ARHGAP32: variants seen among roughly 807,000 people sequenced by gnomAD.
The protein encoded by ARHGAP32 is Rho GTPase activating protein 32.
A neutral mutation model predicts 186.5 loss-of-function variants in ARHGAP32; 51 were observed. The observed-to-expected ratio is 0.27, with a 90% CI of 0.22 to 0.35. The LOEUF is 0.35. Ranked by LOEUF, ARHGAP32 falls within the 10% of genes least tolerant of loss-of-function variation. ARHGAP32 has a pLI of 1.00. For synonymous variants in ARHGAP32, 950 were observed against 964.3 expected (o/e 0.99, Z 0.27); for missense variants, 2,186 against 2,623.5 (o/e 0.83, Z 3.64).
chr11:129,126,865 C>G (rs1305401075), intron 2 of ARHGAP32, among the ~76,000 whole-genome samples: 1 of 152,100 alleles, frequency 6.6e-6, no homozygotes, highest in African/African-American at 2.4e-5. Context: ...GAAAGTGTGA[C>G]AATACTCTTT....
intron 1 of ARHGAP32, among the ~76,000 whole-genome samples, chr11:129,165,776 C>G (rs1465516731): frequency 6.6e-6 from 1 of 151,460 alleles, no homozygotes; most frequent in Non-Finnish European, 1.5e-5. Context: ...AATAGATAAT[C>G]TGAAAATCTT....
intron 2 of ARHGAP32, among the ~76,000 whole-genome samples, chr11:129,128,355 T>C (rs1942711147): frequency 6.6e-6 from 1 of 152,170 alleles, no homozygotes; most frequent in Non-Finnish European, 1.5e-5. Flanking sequence ...TGTGTACATA[T>C]TTTACTAGTA....
intron 5 of ARHGAP32, among the ~76,000 whole-genome samples, chr11:129,099,845 C>T (rs758283883): frequency 2.0e-5 from 3 of 151,892 alleles, no homozygotes; most frequent in Non-Finnish European, 2.9e-5. Flanking sequence ...AACAGATCTT[C>T]AGAGGGAAGG....
In ARHGAP32 at chr11:128,969,849, A is replaced by G; in HGVS notation, c.5364T>C (p.Asp1788=). The change falls in exon 23 of 23, where the codon GAT becomes GAC. Residue 1788 remains aspartate (D), a synonymous_variant. Coordinates refer to ENST00000682385, the MANE Select transcript of ARHGAP32 (RefSeq NM_001378024.1). This position sits in a 1 kb window ranked among gnomAD's most constrained non-coding sequence, Gnocchi z 4.8. ...KVKGPVMSQY[D]NMTPAVQDDL... Reference sequence around the variant, plus strand: ...CGTCCTGCACCGCCGGGGTCATGTTATCATATTGGGACATGACAGGCCCTT... The same window carrying G: ...CGTCCTGCACCGCCGGGGTCATGTTGTCATATTGGGACATGACAGGCCCTT... The G allele has an allele frequency of 6.2e-7, 1 of 1,614,152 alleles. No individual in the cohort carries two copies. The highest frequency in any genetic ancestry group is 8.5e-7 in the Non-Finnish European group (1 of 1,180,028).
At chr11:129,124,179 A>G (rs138616282) in intron 3 of ARHGAP32, among the ~76,000 whole-genome samples, 351 of 152,306 alleles carry the variant, frequency 2.3e-3, no homozygotes, top group African/African-American at 8.3e-3. Context: ...GTCTAAACAC[A>G]AAATTCATTT....
chr11:129,148,550 G>C (rs979616180), intron 2 of ARHGAP32, among the ~76,000 whole-genome samples: 2 of 152,198 alleles, frequency 1.3e-5, no homozygotes, highest in Non-Finnish European at 2.9e-5. Context: ...ATTAGGGAGG[G>C]ATCACAGGAC....
chr11:129,031,158 T>A (rs1939097278), intron 11 of ARHGAP32, among the ~76,000 whole-genome samples: 1 of 152,238 alleles, frequency 6.6e-6, no homozygotes. Flanking sequence ...TATCTTGGCA[T>A]GTAGATTTAT....
intron 1 of ARHGAP32, among the ~76,000 whole-genome samples, chr11:129,239,191 A>G (rs185392399): frequency 1.1e-4 from 17 of 152,312 alleles, no homozygotes; most frequent in African/African-American, 4.1e-4. Context: ...TGTACAGCTT[A>G]TTAAATAGTA....
intron 6 of ARHGAP32, among the ~76,000 whole-genome samples, chr11:129,084,177 G>A (rs1941308047): frequency 6.6e-6 from 1 of 152,004 alleles, no homozygotes; most frequent in African/African-American, 2.4e-5. Context: ...ACAGAAACCA[G>A]TAAGCCCAGA....
At chr11:129,063,178 T>G (rs1210615724) in intron 9 of ARHGAP32, among the ~76,000 whole-genome samples, 1 of 152,136 alleles carries the variant, frequency 6.6e-6, no homozygotes, top group Non-Finnish European at 1.5e-5. Context: ...TTACATATCA[T>G]GTATAAGCCA....
intron 5 of ARHGAP32, among the ~76,000 whole-genome samples, chr11:129,103,780 T>G (rs1941972126): frequency 6.6e-6 from 1 of 152,038 alleles, no homozygotes; most frequent in Admixed American, 6.6e-5. Context: ...ACTATTAATA[T>G]AATTCATGCC....
In ARHGAP32 at chr11:128,969,669, T is replaced by C. The variant is rs1306977876; in HGVS notation, c.5544A>G (p.Ala1848=). The C allele has an allele frequency of 6.2e-7, 1 of 1,614,122 alleles. No individual in the cohort carries two copies. The highest frequency in any genetic ancestry group is 1.1e-5 in the South Asian group (1 of 91,082). ...CGTGATGGTGGGCTCTGTCCATCTC[T>C]GCCTCGGGATGCCTCCTATAGAAGC... ...EDRFYRRHPE[A]EMDRAHHHGG... is the part of the protein sequence containing the mutation. The change falls in exon 23 of 23, where the codon GCA becomes GCG. Residue 1848 remains alanine (A), a synonymous_variant. Transcript: ENST00000682385. The surrounding 1 kb of genome is among the most constrained non-coding windows in gnomAD (Gnocchi z 4.8).
intron 1 of ARHGAP32, among the ~76,000 whole-genome samples, chr11:129,273,346 C>G (rs189225904): frequency 6.6e-6 from 1 of 152,246 alleles, no homozygotes; most frequent in African/African-American, 2.4e-5. Flanking sequence ...TTCCCTTATC[C>G]TACTGTGTCA....
chr11:129,209,282 A>G (rs2135589017), intron 1 of ARHGAP32, among the ~76,000 whole-genome samples: 1 of 152,258 alleles, frequency 6.6e-6, no homozygotes, highest in South Asian at 2.1e-4. Context: ...TTAGAACTTA[A>G]TTTAGTTGAA....
intron 2 of ARHGAP32, among the ~76,000 whole-genome samples, chr11:129,134,355 T>A (rs1413473914): frequency 6.6e-6 from 1 of 152,190 alleles, no homozygotes; most frequent in Non-Finnish European, 1.5e-5. Context: ...ATGTACCACA[T>A]CTATTCATCA....
chr11:129,009,995 T>C (rs1393755163), intron 11 of ARHGAP32, among the ~76,000 whole-genome samples: 3 of 152,224 alleles, frequency 2.0e-5, no homozygotes, highest in African/African-American at 7.2e-5. Flanking sequence ...TTCTTGACTT[T>C]TTAATAATCG....
intron 2 of ARHGAP32, among the ~76,000 whole-genome samples, chr11:129,133,554 A>G (rs1451399190): frequency 2.0e-5 from 3 of 152,218 alleles, no homozygotes; most frequent in Admixed American, 2.0e-4. Flanking sequence ...GTATGGAGTA[A>G]TAAGGATTTA....
At chr11:129,060,948 G>C (rs181731655) in intron 10 of ARHGAP32, among the ~76,000 whole-genome samples, 174 of 151,148 alleles carry the variant, frequency 1.2e-3, no homozygotes, top group Non-Finnish European at 1.9e-3. Flanking sequence ...CTGAGACACA[G>C]AGAATTAAAC....
intron 2 of ARHGAP32, among the ~76,000 whole-genome samples, chr11:129,154,360 T>C (rs1420196349): frequency 6.6e-6 from 1 of 152,182 alleles, no homozygotes; most frequent in Admixed American, 6.5e-5. Context: ...TACCATATGA[T>C]CCAGCAATTC....
Sources: allele counts gnomAD v4.1 joint callset (sites outside exome capture counted in the v4.1 genomes callset), GRCh38; gene constraint gnomAD v4.1.1; non-coding constraint Gnocchi (gnomAD v3.1); transcripts MANE v1.5; gene names NCBI Gene and HGNC (gene_info 2026-07-23, HGNC 2026-07-21).